The following NFXL1 variants were observed in gnomAD, a reference collection of about 807,000 sequenced individuals.
The protein encoded by NFXL1 is nuclear transcription factor, X-box binding like 1, also known as NF-X1-type zinc finger protein NFXL1.
Under a neutral mutation model 123.3 loss-of-function variants are expected in NFXL1, and 66 were observed. That is an observed-to-expected ratio of 0.54 (90% CI 0.44 to 0.66). The LOEUF (loss-of-function observed/expected upper bound fraction) is 0.66. Ranked by LOEUF, NFXL1 falls within the 30% of genes least tolerant of loss-of-function variation. The probability of loss-of-function intolerance (pLI) is 0.00; values close to 1 mark genes in which losing one functional copy is unlikely to be tolerated. For synonymous variants in NFXL1, 346 were observed against 360.8 expected (o/e 0.96, Z 0.46); for missense variants, 944 against 1,125.6 (o/e 0.84, Z 2.31).
chr4:47,874,746 T>C (rs1184959000), intron 18 of NFXL1, among the ~76,000 whole-genome samples: 2 of 152,144 alleles, frequency 1.3e-5, no homozygotes, highest in African/African-American at 2.4e-5. Context: ...ATCTGCCAAG[T>C]ACAATAAAGT....
chr4:47,857,888 C>G (rs1734501312), intron 19 of NFXL1, among the ~76,000 whole-genome samples: 1 of 152,158 alleles, frequency 6.6e-6, no homozygotes, highest in African/African-American at 2.4e-5. Context: ...CCTTAGGATG[C>G]AGAGATCCTG....
chr4:47,850,874 C>T (rs1266734768), intron 22 of NFXL1, among the ~76,000 whole-genome samples: 1 of 147,890 alleles, frequency 6.8e-6, no homozygotes, highest in Admixed American at 6.7e-5. Flanking sequence ...ATTGGAAATA[C>T]AAAAAAAAAA....
At chr4:47,909,966 A>G (rs1737747479) in intron 3 of NFXL1, among the ~76,000 whole-genome samples, 1 of 152,068 alleles carries the variant, frequency 6.6e-6, no homozygotes, top group Non-Finnish European at 1.5e-5. Flanking sequence ...TGGCCTACAT[A>G]CAAGAATATT....
At chr4:47,868,694 T>C (rs1735254283) in intron 18 of NFXL1, among the ~76,000 whole-genome samples, 1 of 152,084 alleles carries the variant, frequency 6.6e-6, no homozygotes, top group Non-Finnish European at 1.5e-5. Flanking sequence ...CATAAAGTAA[T>C]AATTCAGAGC....
At chr4:47,851,014 G>C in intron 22 of NFXL1, 81 bp downstream of exon 22, 1 of 1,019,094 alleles carries the variant, frequency 9.8e-7, no homozygotes, top group Non-Finnish European at 1.6e-6. Flanking sequence ...ACCTTAGTTT[G>C]ACCTTGGAAT....
chr4:47,901,700 TA>T (rs1000055505), intron 5 of NFXL1, among the ~76,000 whole-genome samples: 22 of 152,338 alleles, frequency 1.4e-4, no homozygotes, highest in African/African-American at 4.8e-4. Flanking sequence ...GCACTGAATT[TA>T]AAAGTAAGAA....
At position 47,848,276 on chromosome 4, in the gene NFXL1, C is replaced by T. The variant is rs201648191; in HGVS notation, c.2623G>A (p.Asp875Asn). 6.1e-4 allele frequency: 988 copies of T among 1,612,824 alleles called. 1 individual carries two copies. The highest frequency in any genetic ancestry group is 8.0e-4 in the Non-Finnish European group (949 of 1,179,124). Residue 875 changes from aspartate to asparagine, a missense_variant, in exon 23 of 23, where the codon GAT becomes AAT. Asp to Asn is a conservative substitution (Grantham distance 23). Transcript: ENST00000507489. The stretch of plus-strand genomic sequence containing the variant: ...AGTGATAGCTCAACTGCCACTTCAT[C>T]TCTTTTCCTGTTCTTCTTCCGACGA... ...KGRRKKNRKR[D>N]EVAVELSLWQ...
intron 8 of NFXL1, 40 bp downstream of exon 8, chr4:47,898,717 A>G: frequency 3.3e-6 from 4 of 1,226,988 alleles, no homozygotes; most frequent in South Asian, 1.2e-5. Flanking sequence ...TGCTTTCTGT[A>G]CTCTTTAATA....
rs1486700887 is a variant in NFXL1 at position 47,884,416 on chromosome 4, C to T, written c.1846G>A (p.Glu616Lys). The T allele has an allele frequency of 6.8e-6, 11 of 1,609,144 alleles. No homozygotes were observed. The highest frequency in any genetic ancestry group is 9.3e-6 in the Non-Finnish European group (11 of 1,176,574). The change falls in exon 15 of 23, where the codon GAA (glutamate) becomes AAA (lysine). Residue 616 changes from glutamate to lysine, a missense_variant. Around this residue, in one of 4 missense-constraint regions of NFXL1, gnomAD observed 44 missense variants for 90.4 expected, o/e 0.49. Transcript: ENST00000507489. ...ATAAATGCTGGCTCAGAAGGCTGTT[C>T]CCAAGGGCCTGTAGGCTGGTGCTAC... ...TGRHQPTGPWEQPSEPAFIQT... is the reference protein window; with the variant it reads ...TGRHQPTGPWKQPSEPAFIQT...
At chr4:47,912,080 G>A (rs1212802514) in intron 2 of NFXL1, among the ~76,000 whole-genome samples, 1 of 152,002 alleles carries the variant, frequency 6.6e-6, no homozygotes, top group African/African-American at 2.4e-5. Flanking sequence ...TTTTCTTATT[G>A]CAGCCAGTTT....
In NFXL1 at chr4:47,885,886, G is replaced by T. The variant is rs371865138; in HGVS notation, c.1657C>A (p.Gln553Lys). The T allele has an allele frequency of 6.2e-7, 1 of 1,613,522 alleles. No individual in the cohort carries two copies. Among genetic ancestry groups the T allele is most frequent in the Non-Finnish European group, 8.5e-7 (1 of 1,179,746 alleles). The stretch of plus-strand genomic sequence containing the variant: ...GCAAAGCTTCAAACTCACCTGCATT[G>T]CTCCTTGCACTTGGGTGGTCTTGTG... ...RTTRPPKCKE[Q>K]CSRPPTCHHT... Residue 553 changes from glutamine to lysine, a missense_variant, in exon 13 of 23, where the codon CAA becomes AAA. Gln to Lys is a moderately conservative substitution (Grantham distance 53). This residue lies in a region of NFXL1 where 44 missense variants were observed against 90.4 expected (regional missense o/e 0.49). Transcript: ENST00000507489.
At chr4:47,883,191 G>A (rs1034809517) in intron 15 of NFXL1, among the ~76,000 whole-genome samples, 2 of 151,800 alleles carry the variant, frequency 1.3e-5, no homozygotes, top group African/African-American at 4.8e-5. Flanking sequence ...GTTGCAGTGA[G>A]CCGACATTGA....
Position 47,884,445 on chromosome 4 carries a change from T to A in NFXL1, c.1825-8A>T, listed in dbSNP as rs745743697. ...AGGGCCTGTAGGCTGGTGCTACAAA[T>A]AAAATACATAAGAATTTTAAGTCAG... On this transcript the variant is annotated splice_region_variant and splice_polypyrimidine_tract_variant and intron_variant, in intron 14 of 22. Transcript: ENST00000507489. 1.2e-5 allele frequency: 19 copies of A among 1,553,310 alleles called. No homozygotes were observed. Among genetic ancestry groups the A allele is most frequent in the Non-Finnish European group, 1.2e-5 (14 of 1,135,284 alleles).
intron 17 of NFXL1, among the ~76,000 whole-genome samples, chr4:47,877,770 AATAAC>A (rs1735843584): frequency 6.6e-6 from 1 of 152,104 alleles, no homozygotes; most frequent in Non-Finnish European, 1.5e-5. Context: ...TAAAATTTTC[AATAAC>A]ATAAGTCATA....
chr4:47,893,440 A>C (rs1174234875), intron 11 of NFXL1, among the ~76,000 whole-genome samples: 1 of 152,152 alleles, frequency 6.6e-6, no homozygotes, highest in African/African-American at 2.4e-5. Flanking sequence ...GAAAGATCTT[A>C]ATAACCAGAC....
At chr4:47,914,338 T>C in intron 1 of NFXL1, 27 bp downstream of exon 1, 1 of 699,532 alleles carries the variant, frequency 1.4e-6, no homozygotes, top group Non-Finnish European at 2.3e-6. Flanking sequence ...GCGACCGGGT[T>C]TTAGGAGGTC....
intron 11 of NFXL1, among the ~76,000 whole-genome samples, chr4:47,891,803 G>C (rs1033649546): frequency 2.0e-5 from 3 of 152,110 alleles, no homozygotes; most frequent in African/African-American, 7.2e-5. Flanking sequence ...AGGCATGGTA[G>C]TGCGTGCCTG....
intron 12 of NFXL1, among the ~76,000 whole-genome samples, chr4:47,889,542 G>A (rs1046322512): frequency 3.3e-5 from 5 of 152,150 alleles, no homozygotes; most frequent in Admixed American, 3.3e-4. Context: ...ATATGCTGCA[G>A]GATTTCTGAA....
At chr4:47,853,078 G>C (rs1734215698) in intron 20 of NFXL1, among the ~76,000 whole-genome samples, 1 of 151,794 alleles carries the variant, frequency 6.6e-6, no homozygotes, top group South Asian at 2.1e-4. Flanking sequence ...ACAAACACTG[G>C]AGACAAAAAT....
Sources: allele counts gnomAD v4.1 joint callset (sites outside exome capture counted in the v4.1 genomes callset), GRCh38; gene constraint gnomAD v4.1.1; regional missense constraint gnomAD v4.1.1; transcripts MANE v1.5; gene names NCBI Gene and HGNC (gene_info 2026-07-23, HGNC 2026-07-21).